The following SLC24A3 variants were observed in gnomAD, a reference collection of about 807,000 sequenced individuals.
SLC24A3 encodes solute carrier family 24 member 3.
A neutral mutation model predicts 75.8 loss-of-function variants in SLC24A3; 28 were observed. That is an observed-to-expected ratio of 0.37 (90% CI 0.27 to 0.51). The LOEUF (loss-of-function observed/expected upper bound fraction) is 0.51. Among genes scored for constraint, SLC24A3 ranks in the 20% least tolerant of loss-of-function variants. The probability of loss-of-function intolerance (pLI) is 0.94; values close to 1 mark genes in which losing one functional copy is unlikely to be tolerated. For synonymous variants in SLC24A3, 372 were observed against 334.1 expected (o/e 1.11, Z -1.24); for missense variants, 663 against 847.8 (o/e 0.78, Z 2.71).
At chr20:19,688,060 C>T (rs2032700056) in intron 12 of SLC24A3, among the ~76,000 whole-genome samples, 1 of 152,160 alleles carries the variant, frequency 6.6e-6, no homozygotes, top group East Asian at 1.9e-4. Flanking sequence ...CGTGGGGTCT[C>T]CATGTCATTC....
intron 6 of SLC24A3, among the ~76,000 whole-genome samples, chr20:19,642,773 T>A (rs2122699234): frequency 6.6e-6 from 1 of 152,330 alleles, no homozygotes; most frequent in South Asian, 2.1e-4. Flanking sequence ...ATTCAGCTCC[T>A]TAAGGAAGGG....
chr20:19,344,526 A>G (rs1279699131), intron 2 of SLC24A3, among the ~76,000 whole-genome samples: 2 of 152,220 alleles, frequency 1.3e-5, no homozygotes, highest in South Asian at 2.1e-4. Flanking sequence ...AGGCAAGGGC[A>G]GGAAGCCAAA....
intron 2 of SLC24A3, among the ~76,000 whole-genome samples, chr20:19,330,756 A>G (rs946306088): frequency 1.3e-5 from 2 of 152,208 alleles, no homozygotes; most frequent in African/African-American, 4.8e-5. Context: ...TTTGATGAGG[A>G]TATTTGCATG....
intron 2 of SLC24A3, among the ~76,000 whole-genome samples, chr20:19,439,286 T>C (rs930213974): frequency 6.6e-6 from 1 of 152,218 alleles, no homozygotes; most frequent in African/African-American, 2.4e-5. Flanking sequence ...TTGAGAAACG[T>C]TCCTTTACTT....
chr20:19,583,851 T>C (rs1475563788), intron 4 of SLC24A3, among the ~76,000 whole-genome samples: 1 of 150,770 alleles, frequency 6.6e-6, no homozygotes, highest in Non-Finnish European at 1.5e-5. Context: ...CTGCTCGGCA[T>C]CCCATGTGAA....
chr20:19,636,961 A>G (rs2032009773), intron 6 of SLC24A3, among the ~76,000 whole-genome samples: 1 of 152,152 alleles, frequency 6.6e-6, no homozygotes, highest in East Asian at 1.9e-4. Flanking sequence ...GCCGCTATTT[A>G]AAAAAGAAGA....
At chr20:19,658,697 A>G (rs1192701994) in intron 7 of SLC24A3, among the ~76,000 whole-genome samples, 5 of 152,102 alleles carry the variant, frequency 3.3e-5, no homozygotes, top group Admixed American at 6.5e-5. Flanking sequence ...GAAAGCGTTG[A>G]GAAGGCTCCC....
At chr20:19,381,950 A>G (rs1440687906) in intron 2 of SLC24A3, among the ~76,000 whole-genome samples, 1 of 152,190 alleles carries the variant, frequency 6.6e-6, no homozygotes, top group Non-Finnish European at 1.5e-5. Flanking sequence ...TGAAGTAGCA[A>G]CTGAAGGAAA....
rs377181599 is a variant in SLC24A3 at position 19,526,315 on chromosome 20, G to A, written c.348+10751G>A. On this transcript the variant is annotated intron_variant, in intron 3 of 16. Coordinates refer to ENST00000328041, the MANE Select transcript of SLC24A3 (RefSeq NM_020689.4). ...CGAGTGCAAGCCCTGGCTATGCCAC[G>A]TACTGCCTATGTGACCCCTAATATT... Among the ~76,000 whole-genome samples, 28 of 152,286 alleles carry A rather than the reference G, an allele frequency of 1.8e-4. No individual in the cohort carries two copies. In the South Asian group the frequency reaches 5.4e-3, roughly 29 times the overall value.
chr20:19,685,000 A>T, intron 11 of SLC24A3, 100 bp from the exon 12 acceptor site: 2 of 1,447,166 alleles, frequency 1.4e-6, no homozygotes, highest in Non-Finnish European at 9.3e-7. Flanking sequence ...CTGGAAGCAT[A>T]TCGTCAGCTG....
chr20:19,407,891 G>A (rs985968777), intron 2 of SLC24A3, among the ~76,000 whole-genome samples: 4 of 152,224 alleles, frequency 2.6e-5, no homozygotes, highest in South Asian at 2.1e-4. Flanking sequence ...TTCTGCATTC[G>A]TGGTGGTTGG....
intron 2 of SLC24A3, among the ~76,000 whole-genome samples, chr20:19,357,578 G>T (rs7264548): frequency 6.6e-6 from 1 of 152,146 alleles, no homozygotes; most frequent in African/African-American, 2.4e-5. Context: ...TTTGGTGGTG[G>T]TTTTTTTATA....
At position 19,468,971 on chromosome 20, in the gene SLC24A3, G is replaced by A. The variant is rs1440836550; in HGVS notation, c.272-46517G>A. ...GAGCCCTGAGGGTTCTAGAGTGAAT[G>A]GCCTGGACAGATGCAGGAGTTCAGA... On this transcript the variant is annotated intron_variant, in intron 2 of 16. Transcript: ENST00000328041. 3.3e-5 allele frequency among the ~76,000 whole-genome samples: 5 copies of A among 152,230 alleles called. 1 individual carries two copies. In the South Asian group the frequency reaches 6.2e-4, roughly 19 times the overall value.
At chr20:19,680,248 C>T (rs949183247) in intron 9 of SLC24A3, among the ~76,000 whole-genome samples, 2 of 152,008 alleles carry the variant, frequency 1.3e-5, no homozygotes, top group African/African-American at 2.4e-5. Flanking sequence ...TGGCTGTTTG[C>T]TCTGCAGAGT....
chr20:19,450,862 G>T (rs190153948), intron 2 of SLC24A3, among the ~76,000 whole-genome samples: 1 of 152,118 alleles, frequency 6.6e-6, no homozygotes, highest in Non-Finnish European at 1.5e-5. Context: ...AGCCGGGCAC[G>T]TTGGCTCACA....
At chr20:19,600,486 T>C (rs1420283216) in intron 6 of SLC24A3, among the ~76,000 whole-genome samples, 1 of 152,188 alleles carries the variant, frequency 6.6e-6, no homozygotes. Context: ...CTCACATAAA[T>C]AAAAATGGAT....
At chr20:19,552,737 C>T (rs553652273) in intron 3 of SLC24A3, among the ~76,000 whole-genome samples, 6 of 152,204 alleles carry the variant, frequency 3.9e-5, no homozygotes, top group South Asian at 2.1e-4. Flanking sequence ...CCCTGTTTGG[C>T]GTTTCTCAGC....
chr20:19,368,285 G>A (rs76567006), intron 2 of SLC24A3, among the ~76,000 whole-genome samples: 157 of 152,258 alleles, frequency 1.0e-3, no homozygotes, highest in African/African-American at 3.6e-3. Context: ...ACTTTAAGAC[G>A]GGCAAAGTAC....
intron 6 of SLC24A3, among the ~76,000 whole-genome samples, chr20:19,635,945 C>G (rs1331592308): frequency 6.6e-6 from 1 of 152,074 alleles, no homozygotes; most frequent in Non-Finnish European, 1.5e-5. Flanking sequence ...TCGAGACCAT[C>G]CTGGCTAACA....
Sources: allele counts gnomAD v4.1 joint callset (sites outside exome capture counted in the v4.1 genomes callset), GRCh38; gene constraint gnomAD v4.1.1; transcripts MANE v1.5; gene names NCBI Gene and HGNC (gene_info 2026-07-23, HGNC 2026-07-21).